CFAP77: variants seen among roughly 807,000 people sequenced by gnomAD.
CFAP77 encodes cilia- and flagella-associated protein 77.
A neutral mutation model predicts 31.1 loss-of-function variants in CFAP77; 25 were observed. The observed-to-expected ratio is 0.80, with a 90% CI of 0.59 to 1.12. The LOEUF is 1.12. CFAP77 is among the 50% of genes most tolerant of loss of function. The probability of loss-of-function intolerance (pLI) is 0.00; values close to 1 mark genes in which losing one functional copy is unlikely to be tolerated. For missense variants in CFAP77, 377 were observed against 397.3 expected, an observed-to-expected ratio of 0.95 and a Z score of 0.44; for synonymous variants, 151 against 159.9, an observed-to-expected ratio of 0.94 and a Z score of 0.42.
chr9:132,572,272 T>C, intron 5 of CFAP77, 116 bp from the exon 6 acceptor site: 1 of 1,311,040 alleles, frequency 7.6e-7, no homozygotes, highest in Non-Finnish European at 1.0e-6. Flanking sequence ...TCCTCCCTCT[T>C]ACAGCTATTT....
chr9:132,411,670 G>A (rs2131670539), intron 1 of CFAP77, among the ~76,000 whole-genome samples: 1 of 152,256 alleles, frequency 6.6e-6, no homozygotes, highest in African/African-American at 2.4e-5. Context: ...AGGCAGGTGG[G>A]GCCCATTATT....
At chr9:132,471,059 T>G (rs1017535667) in intron 1 of CFAP77, among the ~76,000 whole-genome samples, 1 of 152,176 alleles carries the variant, frequency 6.6e-6, no homozygotes, top group African/African-American at 2.4e-5. Flanking sequence ...TTAAAACACT[T>G]GTGTGGGCCC....
chr9:132,504,126 A>G (rs1331392598), intron 3 of CFAP77, among the ~76,000 whole-genome samples: 1 of 152,224 alleles, frequency 6.6e-6, no homozygotes, highest in Non-Finnish European at 1.5e-5. Flanking sequence ...GAAAATAGAA[A>G]GAAGTTAAGA....
intron 1 of CFAP77, among the ~76,000 whole-genome samples, chr9:132,464,285 C>T (rs1317631487): frequency 2.0e-5 from 3 of 152,106 alleles, no homozygotes; most frequent in South Asian, 2.1e-4. Context: ...CGCCTCCTCC[C>T]AGAACTCTCC....
intron 3 of CFAP77, among the ~76,000 whole-genome samples, chr9:132,516,862 C>T (rs1418545089): frequency 1.3e-5 from 2 of 152,098 alleles, no homozygotes; most frequent in South Asian, 2.1e-4. Flanking sequence ...ATGTTATAAT[C>T]GCTTGTTAGA....
rs766683678 is a variant in CFAP77, at chr9:132,480,067, G to GA, written c.196-18627dup. On this transcript the variant is annotated intron_variant, in intron 1 of 5. Transcript: ENST00000393216. This position sits in a 1 kb window ranked among gnomAD's most constrained non-coding sequence, Gnocchi z 5.8. ...AGGAAATGGCAGAGCTGGTGGGGGGGACCCTGAAAATCAACCGGCTCAGCC... is the reference window on the plus strand; with the variant it reads ...AGGAAATGGCAGAGCTGGTGGGGGGGAACCCTGAAAATCAACCGGCTCAGCC... 5.3e-5 allele frequency among the ~76,000 whole-genome samples: 8 copies of GA among 152,272 alleles called. No individual in the cohort carries two copies. The highest frequency in any genetic ancestry group is 1.0e-4 in the Non-Finnish European group (7 of 68,018).
rs943917055 is a variant in CFAP77, at chr9:132,495,620, G to T, written c.196-3075G>T. 6.6e-6 allele frequency among the ~76,000 whole-genome samples: 1 copy of T among 152,186 alleles called. No individual in the cohort carries two copies. Among genetic ancestry groups the T allele is most frequent in the Admixed American group, 6.5e-5 (1 of 15,270 alleles). The stretch of plus-strand genomic sequence containing the variant: ...GATTTGAGATGGAAAAGAAGCGGAA[G>T]AAAAATGATCAACTGTTGTGTAAAG... On this transcript the variant is annotated intron_variant, in intron 1 of 5. Coordinates refer to ENST00000393216, the MANE Select transcript of CFAP77 (RefSeq NM_001282957.2). The surrounding 1 kb of genome is among the most constrained non-coding windows in gnomAD (Gnocchi z 4.2).
chr9:132,482,573 A>G lies in CFAP77; in HGVS notation c.196-16122A>G, dbSNP rs141759669. Among the ~76,000 whole-genome samples, 1,031 of 151,900 alleles carry G rather than the reference A, an allele frequency of 6.8e-3. 23 individuals carry two copies. Among genetic ancestry groups the G allele is most frequent in the Admixed American group, 0.022 (335 of 15,270 alleles). ...GTTGTCATTACGCCATGGGGTGGGG[A>G]CGGTTATTCCCTGTTTAATGAGTGA... On this transcript the variant is annotated intron_variant, in intron 1 of 5. Coordinates refer to ENST00000393216, the MANE Select transcript of CFAP77 (RefSeq NM_001282957.2).
At chr9:132,465,686 C>G (rs1223587944) in intron 1 of CFAP77, among the ~76,000 whole-genome samples, 1 of 152,204 alleles carries the variant, frequency 6.6e-6, no homozygotes, top group African/African-American at 2.4e-5. Context: ...ACTTGTACAA[C>G]AAGCATGAAG....
intron 5 of CFAP77, among the ~76,000 whole-genome samples, chr9:132,544,213 C>T (rs937232618): frequency 4.6e-5 from 7 of 152,360 alleles, no homozygotes; most frequent in African/African-American, 1.4e-4. Flanking sequence ...CAGCATATGT[C>T]AATGACCATG....
In CFAP77 at chr9:132,499,449, C is replaced by T. The variant is rs769398138; in HGVS notation, c.373C>T (p.Arg125Cys). 32 of 1,614,086 alleles carry T rather than the reference C, an allele frequency of 2.0e-5. No individual in the cohort carries two copies. Among genetic ancestry groups the T allele is most frequent in the South Asian group, 2.0e-4 (18 of 91,084 alleles). Residue 125 changes from arginine to cysteine, a missense_variant, in exon 3 of 6, where the codon CGC becomes TGC. Transcript: ENST00000393216. This position sits in a 1 kb window ranked among gnomAD's most constrained non-coding sequence, Gnocchi z 5.4. ...ELTRNYIAMN[R>C]GAVKAGLVTA... ...GACCCGGAATTATATCGCAATGAAC[C>T]GCGGGGCGGTGAAAGCCGGCCTGGT...
chr9:132,480,840 G>A lies in CFAP77; in HGVS notation c.196-17855G>A, dbSNP rs1851431736. Among the ~76,000 whole-genome samples, 2 of 152,088 alleles carry A rather than the reference G, an allele frequency of 1.3e-5. No individual in the cohort carries two copies. The highest frequency in any genetic ancestry group is 4.1e-4 in the South Asian group (2 of 4,828). On this transcript the variant is annotated intron_variant, in intron 1 of 5. Transcript: ENST00000393216. This position sits in a 1 kb window ranked among gnomAD's most constrained non-coding sequence, Gnocchi z 5.8. ...TTCCAGGAGCCGAAAGAAGGCCCAG[G>A]GCAGAAAGCGGACGGTGAGCGAGAG...
intron 1 of CFAP77, among the ~76,000 whole-genome samples, chr9:132,426,031 C>T (rs1850306688): frequency 6.6e-6 from 1 of 152,216 alleles, no homozygotes; most frequent in Non-Finnish European, 1.5e-5. Flanking sequence ...CTGAAGCATT[C>T]ACAAGCCGGC....
Position 132,515,361 on chromosome 9 carries a change from C to T in CFAP77, c.524+15761C>T, listed in dbSNP as rs183944039. Among the ~76,000 whole-genome samples, 970 of 152,282 alleles carry T rather than the reference C, an allele frequency of 6.4e-3. 4 individuals carry two copies. Among genetic ancestry groups the T allele is most frequent in the South Asian group, 0.013 (65 of 4,834 alleles). ...CAGCTGGACCTGAGGGCTGACACCT[C>T]CCTCCCAGGGCTGCAGGAGGACTCT... On this transcript the variant is annotated intron_variant, in intron 3 of 5. Transcript: ENST00000393216.
In CFAP77 at chr9:132,535,734, TAAA is replaced by T. The variant is rs959698358; in HGVS notation, c.525-1866_525-1864del. On this transcript the variant is annotated intron_variant, in intron 3 of 5. Transcript: ENST00000393216. ...CTCAATAAATAAATAAATAAATAAA[TAAA>T]TAAATAAATAAAGTCACTTGAAATC... is the stretch of plus-strand genomic sequence containing the variant. Among the ~76,000 whole-genome samples, 22 of 151,932 alleles carry T rather than the reference TAAA, an allele frequency of 1.4e-4. No individual in the cohort carries two copies. In the South Asian group the frequency reaches 3.9e-3, roughly 27 times the overall value.
At chr9:132,506,845 G>A (rs898498937) in intron 3 of CFAP77, among the ~76,000 whole-genome samples, 1 of 152,152 alleles carries the variant, frequency 6.6e-6, no homozygotes, top group Non-Finnish European at 1.5e-5. Context: ...GGTCTGAGAG[G>A]TCAAGTCATT....
intron 1 of CFAP77, among the ~76,000 whole-genome samples, chr9:132,438,541 A>AT (rs10641294): frequency 1.1e-3 from 116 of 108,128 alleles, no homozygotes; most frequent in Non-Finnish European, 1.7e-3. Context: ...ATATATATAT[A>AT]TTTTTTTTTT....
intron 1 of CFAP77, among the ~76,000 whole-genome samples, chr9:132,417,239 T>C (rs10793927): frequency 0.97 from 147,763 of 151,948 alleles, 71,999 homozygotes; most frequent in Non-Finnish European, 1. Context: ...CTCAATCTCC[T>C]GAGTAGCTGG....
In CFAP77 at chr9:132,511,301, G is replaced by T. The variant is rs1852033209; in HGVS notation, c.524+11701G>T. The stretch of plus-strand genomic sequence containing the variant: ...CTCCCCACGTTTCTCTGGACTCACA[G>T]GTGCTTTTCCCTCTGCCAGGGATGC... On this transcript the variant is annotated intron_variant, in intron 3 of 5. Transcript: ENST00000393216. The surrounding 1 kb of genome is among the most constrained non-coding windows in gnomAD (Gnocchi z 5.8). 6.6e-6 allele frequency among the ~76,000 whole-genome samples: 1 copy of T among 152,160 alleles called. No homozygotes were observed. Among genetic ancestry groups the T allele is most frequent in the Admixed American group, 6.5e-5 (1 of 15,284 alleles).
Sources: gnomAD v4.1 joint callset for allele counts (sites outside exome capture counted in the v4.1 genomes callset) on GRCh38, gnomAD v4.1.1 for gene constraint, Gnocchi (gnomAD v3.1) non-coding constraint, MANE v1.5 for transcripts, NCBI Gene and HGNC (gene_info 2026-07-23, HGNC 2026-07-21) for gene names.